COL4A2: variants seen among roughly 807,000 people sequenced by gnomAD.
COL4A2 encodes the protein collagen type IV alpha 2 chain, also known as collagen alpha-2(IV) chain.
In COL4A2, 99 loss-of-function variants were observed where a neutral mutation model predicts 200.2. That is an observed-to-expected ratio of 0.49 (90% CI 0.42 to 0.58). The LOEUF (loss-of-function observed/expected upper bound fraction) is 0.58, where lower values mean the gene tolerates loss of function less well. Among genes scored for constraint, COL4A2 ranks in the 20% least tolerant of loss-of-function variants. The pLI is 0.00. For synonymous variants in COL4A2, 897 were observed against 900.6 expected (o/e 1.00, Z 0.07); for missense variants, 1,950 against 2,314.1 (o/e 0.84, Z 3.23).
chr13:110,502,807 T>C (rs138156441), intron 41 of COL4A2: 2 of 277,172 alleles, frequency 7.2e-6, no homozygotes, highest in Non-Finnish European at 1.4e-5. Context: ...TTGCTGAGGG[T>C]TGGGGGGAGA....
intron 4 of COL4A2, among the ~76,000 whole-genome samples, chr13:110,410,469 C>T (rs753909549): frequency 6.6e-6 from 1 of 152,196 alleles, no homozygotes; most frequent in Non-Finnish European, 1.5e-5. Flanking sequence ...GTGACATGGA[C>T]TCCAAGTTCA....
intron 3 of COL4A2, among the ~76,000 whole-genome samples, chr13:110,317,699 C>G (rs1222597657): frequency 6.6e-6 from 1 of 152,332 alleles, no homozygotes. Context: ...AACCCCCAAC[C>G]GGCCCTCTCC....
chr13:110,486,609 G>A (rs765299677), intron 34 of COL4A2, among the ~76,000 whole-genome samples: 2 of 152,214 alleles, frequency 1.3e-5, no homozygotes, highest in Non-Finnish European at 1.5e-5. Flanking sequence ...AGTCGCGTCC[G>A]TGTGAAAAGA....
At chr13:110,505,215 T>G (rs893942401) in intron 45 of COL4A2, among the ~76,000 whole-genome samples, 5 of 151,774 alleles carry the variant, frequency 3.3e-5, no homozygotes, top group Admixed American at 2.6e-4. Flanking sequence ...CCGGGCGTGG[T>G]GGCGGGCGCC....
rs567167139 is a variant in COL4A2, at chr13:110,392,483, A to G, written c.181-32251A>G. 9.8e-5 allele frequency among the ~76,000 whole-genome samples: 15 copies of G among 152,316 alleles called. No individual in the cohort carries two copies. The South Asian group carries it at 1.5e-3, about 15-fold the overall frequency. On this transcript the variant is annotated intron_variant, in intron 4 of 47. Transcript: ENST00000360467. ...CAGTGGGAGGAGAGACGGTCACAGC[A>G]GTGCTGTGAGTCCGCGGGGCTCTTC...
intron 3 of COL4A2, among the ~76,000 whole-genome samples, chr13:110,357,231 G>A (rs1464881524): frequency 6.6e-6 from 1 of 152,062 alleles, no homozygotes; most frequent in Non-Finnish European, 1.5e-5. Flanking sequence ...TGTCGATGGT[G>A]GGGGATTTCA....
chr13:110,321,775 T>C (rs572206431), intron 3 of COL4A2, among the ~76,000 whole-genome samples: 1 of 152,254 alleles, frequency 6.6e-6, no homozygotes, highest in East Asian at 1.9e-4. Context: ...ACGTCTTACA[T>C]GGATGGCAGC....
Position 110,425,699 on chromosome 13 carries a change from T to G in COL4A2, c.360+702T>G, listed in dbSNP as rs1217540875. 3.3e-5 allele frequency among the ~76,000 whole-genome samples: 5 copies of G among 152,232 alleles called. No individual in the cohort carries two copies. The Middle Eastern group carries it at 0.017, about 518-fold the overall frequency. On this transcript the variant is annotated intron_variant, in intron 6 of 47. Transcript: ENST00000360467. ...ACATCTGCTTCACAAACCTCACACA[T>G]ATACACAGATGTGTGTGCCCGTGTC...
At chr13:110,403,995 A>G (rs375808409) in intron 4 of COL4A2, among the ~76,000 whole-genome samples, 1 of 152,170 alleles carries the variant, frequency 6.6e-6, no homozygotes, top group East Asian at 1.9e-4. Flanking sequence ...AAGGGACAAC[A>G]GGCTCCCCTG....
In COL4A2 at chr13:110,337,232, G is replaced by A. The variant is rs113655029; in HGVS notation, c.100-20240G>A. On this transcript the variant is annotated intron_variant, in intron 3 of 47. Transcript: ENST00000360467. ...TGGGGCATGGGCGCCGGAAGTTTTA[G>A]AAGCACCCGGCATGATGCTGATCAC... is the stretch of plus-strand genomic sequence containing the variant. Among the ~76,000 whole-genome samples the A allele has an allele frequency of 3.3e-3, 502 of 152,360 alleles. 4 individuals are homozygous for A. Among genetic ancestry groups the A allele is most frequent in the African/African-American group, 0.012 (483 of 41,592 alleles).
chr13:110,462,135 G>T lies in COL4A2; in HGVS notation c.1618G>T (p.Ala540Ser). The T allele has an allele frequency of 1.2e-6, 2 of 1,614,248 alleles. No homozygotes were observed. Among genetic ancestry groups the T allele is most frequent in the Non-Finnish European group, 1.7e-6 (2 of 1,180,044 alleles). ...ACAGGGAGTGCCTGGCAACATTGGT[G>T]CTCCCGGACCCAAAGGAGCAAAAGG... ...GLKGVPGNIG[A>S]PGPKGAKGDS... Residue 540 changes from alanine to serine, a missense_variant, in exon 23 of 48, where the codon GCT becomes TCT. Physicochemically the swap from Ala to Ser is moderately conservative, Grantham distance 99. This residue lies in a region of COL4A2 where 1,385 missense variants were observed against 1,720.5 expected (regional missense o/e 0.80). Transcript: ENST00000360467.
At chr13:110,406,683 A>T (rs1169021806) in intron 4 of COL4A2, among the ~76,000 whole-genome samples, 1 of 151,344 alleles carries the variant, frequency 6.6e-6, no homozygotes, top group African/African-American at 2.4e-5. Flanking sequence ...TTTTCCTACT[A>T]CACTGCCAGA....
At chr13:110,502,525 A>G (rs10454544) in intron 41 of COL4A2, 56,353 of 152,292 alleles carry the variant, frequency 0.37, 10,821 homozygotes, top group Middle Eastern at 0.45. Flanking sequence ...GGGTTTCACC[A>G]TGTTGGCCAG....
intron 45 of COL4A2, among the ~76,000 whole-genome samples, chr13:110,505,312 T>C (rs1883821334): frequency 6.6e-6 from 1 of 151,682 alleles, no homozygotes; most frequent in Non-Finnish European, 1.5e-5. Flanking sequence ...ATCGCGCCAC[T>C]GCACTCCAGC....
chr13:110,462,209 G>C (rs189622970), intron 23 of COL4A2, 23 bp downstream of exon 23: 20 of 1,614,218 alleles, frequency 1.2e-5, no homozygotes, highest in Non-Finnish European at 1.7e-5. Context: ...CTGGCCACGC[G>C]GCCCCTGGGG....
At chr13:110,385,991 ATGGGCCGTGGTCACAGCGTGTGGATGGG>A (rs1255813740) in intron 4 of COL4A2, among the ~76,000 whole-genome samples, 23 of 147,164 alleles carry the variant, frequency 1.6e-4, no homozygotes, top group East Asian at 1.2e-3. Context: ...CAGCGTGTGG[ATGGGCCGTGGTCACAGCGTGTGGATGGG>A]CCGTGGTTAC....
intron 4 of COL4A2, among the ~76,000 whole-genome samples, chr13:110,388,238 C>CT (rs1878840471): frequency 6.6e-6 from 1 of 152,192 alleles, no homozygotes; most frequent in Admixed American, 6.5e-5. Context: ...CAAGCGAGCC[C>CT]TCAAGCGCAG....
chr13:110,351,217 C>T (rs7325191), intron 3 of COL4A2, among the ~76,000 whole-genome samples: 151,152 of 152,110 alleles, frequency 0.99, 75,101 homozygotes, highest in South Asian at 1. Flanking sequence ...CCCAGCTATT[C>T]TTTTTGTTTG....
At chr13:110,323,556 G>A (rs1180450025) in intron 3 of COL4A2, among the ~76,000 whole-genome samples, 3 of 152,246 alleles carry the variant, frequency 2.0e-5, no homozygotes, top group Non-Finnish European at 2.9e-5. Context: ...CTCCTAGACA[G>A]ACAGAGCATG....
Sources: allele counts gnomAD v4.1 joint callset (sites outside exome capture counted in the v4.1 genomes callset), GRCh38; gene constraint gnomAD v4.1.1; regional missense constraint gnomAD v4.1.1; transcripts MANE v1.5; gene names NCBI Gene and HGNC (gene_info 2026-07-23, HGNC 2026-07-21).